The following RASEF variants were observed in gnomAD, a reference collection of about 807,000 sequenced individuals.
RASEF encodes RAS and EF-hand domain containing.
A neutral mutation model predicts 90.1 loss-of-function variants in RASEF; 68 were observed. The ratio of observed to expected loss-of-function variants is 0.75; its 90% CI spans 0.62 to 0.92. The LOEUF is 0.92. RASEF is among the 40% of genes least tolerant of loss of function. RASEF has a pLI of 0.00. For synonymous variants in RASEF, 331 were observed against 345.2 expected (o/e 0.96, Z 0.46); for missense variants, 949 against 937.2 (o/e 1.01, Z -0.16).
At chr9:83,063,826 A>G (rs553878356), upstream of RASEF, among the ~76,000 whole-genome samples, 3 of 152,298 alleles carry the variant, frequency 2.0e-5, no homozygotes, top group African/African-American at 7.2e-5. Flanking sequence ...CGACAATACT[A>G]TTGTTTCTTT....
At chr9:83,190,637 T>C in the RASEF span, among the ~76,000 whole-genome samples, 5 of 152,258 alleles carry the variant, frequency 3.3e-5, no homozygotes, top group Admixed American at 2.0e-4. Flanking sequence ...TTTTAAAGGG[T>C]ATCTAAATAA....
chr9:83,197,845 C>G, the RASEF span, among the ~76,000 whole-genome samples: 3 of 152,220 alleles, frequency 2.0e-5, no homozygotes, highest in Admixed American at 1.3e-4. Flanking sequence ...AGCATAAGCA[C>G]CGGGATAAAT....
At chr9:83,052,330 G>A (rs1393793069) in intron 1 of RASEF, among the ~76,000 whole-genome samples, 18 of 134,290 alleles carry the variant, frequency 1.3e-4, no homozygotes, top group African/African-American at 2.2e-4. Flanking sequence ...GTTTATTTGC[G>A]TAGAGGTGTT....
At chr9:83,124,721 C>G in the RASEF span, among the ~76,000 whole-genome samples, 78,678 of 151,508 alleles carry the variant, frequency 0.52, 20,704 homozygotes, top group East Asian at 0.79. Context: ...GAAACAAACT[C>G]AATGATTATC....
the RASEF span, among the ~76,000 whole-genome samples, chr9:83,205,677 G>T: frequency 6.6e-6 from 1 of 151,840 alleles, no homozygotes; most frequent in African/African-American, 2.4e-5. Flanking sequence ...TCTTCCCTTG[G>T]TACAGTATCT....
intron 3 of RASEF, among the ~76,000 whole-genome samples, chr9:83,019,328 A>AATAT (rs60264496): frequency 1.3e-5 from 2 of 151,726 alleles, no homozygotes; most frequent in African/African-American, 4.8e-5. Context: ...TTCAGCAAAA[A>AATAT]ATATATATAT....
rs770704145 is a variant in RASEF, at chr9:83,000,295, C to T, written c.1597G>A (p.Ala533Thr). The change falls in exon 12 of 17, where the codon GCT becomes ACT. Residue 533 changes from alanine (A) to threonine (T), a missense_variant. By Grantham distance (58) the Ala-to-Thr change is moderately conservative (BLOSUM62 0). Around this residue, in one of 3 missense-constraint regions of RASEF, gnomAD observed 288 missense variants for 328.4 expected, o/e 0.88. Transcript: ENST00000376447. ...GCCTTCTGTGAGCTAAAAGATTTAGCGTTGTCATCTACCAGGTCTGTCTGG... is the reference window on the plus strand; with the variant it reads ...GCCTTCTGTGAGCTAAAAGATTTAGTGTTGTCATCTACCAGGTCTGTCTGG... ...SPQTDLVDDNAKSFSSQKAYK... is the reference protein window; with the variant it reads ...SPQTDLVDDNTKSFSSQKAYK... The T allele has an allele frequency of 3.7e-6, 6 of 1,613,750 alleles. No homozygotes were observed. Among genetic ancestry groups the T allele is most frequent in the South Asian group, 2.2e-5 (2 of 91,038 alleles).
chr9:83,007,310 G>A (rs940141709), intron 7 of RASEF, 127 bp downstream of exon 7: 5 of 734,704 alleles, frequency 6.8e-6, no homozygotes, highest in Non-Finnish European at 1.2e-5. Flanking sequence ...ACCCTGAGAA[G>A]AAACACCCAC....
At chr9:83,145,326 C>T in the RASEF span, among the ~76,000 whole-genome samples, 2 of 152,116 alleles carry the variant, frequency 1.3e-5, no homozygotes, top group Non-Finnish European at 2.9e-5. Flanking sequence ...ATCCCCCATC[C>T]AGGGTTACTA....
At chr9:83,044,885 A>G (rs770214700) in intron 1 of RASEF, among the ~76,000 whole-genome samples, 1 of 152,160 alleles carries the variant, frequency 6.6e-6, no homozygotes, top group African/African-American at 2.4e-5. Flanking sequence ...TGGGTAGGTG[A>G]GTCTCATCCA....
chr9:83,019,702 A>T (rs961443195), intron 3 of RASEF, among the ~76,000 whole-genome samples: 1 of 152,242 alleles, frequency 6.6e-6, no homozygotes, highest in African/African-American at 2.4e-5. Flanking sequence ...ATGAATGGCT[A>T]AACACTGTGG....
chr9:82,994,272 G>A (rs1421455807), intron 14 of RASEF, among the ~76,000 whole-genome samples: 3 of 152,166 alleles, frequency 2.0e-5, no homozygotes, highest in Non-Finnish European at 2.9e-5. Context: ...ACCTCAGGAT[G>A]CAAGGGGCAT....
At chr9:83,096,022 T>C in the RASEF span, among the ~76,000 whole-genome samples, 7 of 152,006 alleles carry the variant, frequency 4.6e-5, no homozygotes, top group Non-Finnish European at 8.8e-5. Context: ...ATACCTAGAG[T>C]GTAAGTAAAA....
the RASEF span, among the ~76,000 whole-genome samples, chr9:83,140,914 C>T: frequency 7.9e-5 from 12 of 151,896 alleles, no homozygotes; most frequent in East Asian, 1.9e-4. Flanking sequence ...AGACCAAGGC[C>T]GACAGATAAC....
the RASEF span, among the ~76,000 whole-genome samples, chr9:83,181,576 A>C: frequency 6.6e-6 from 1 of 152,188 alleles, no homozygotes; most frequent in Non-Finnish European, 1.5e-5. Flanking sequence ...TTAAAAGAAG[A>C]TTCATCATTC....
the RASEF span, among the ~76,000 whole-genome samples, chr9:83,176,189 G>A: frequency 2.6e-5 from 4 of 152,124 alleles, no homozygotes; most frequent in Non-Finnish European, 5.9e-5. Context: ...GCTCTGCTGT[G>A]CATATATGTT....
At chr9:83,113,283 A>G in the RASEF span, among the ~76,000 whole-genome samples, 2 of 152,212 alleles carry the variant, frequency 1.3e-5, no homozygotes, top group African/African-American at 4.8e-5. Flanking sequence ...TAATACTCTT[A>G]TAATTTCTTA....
chr9:83,060,456 C>T (rs950914574), intron 1 of RASEF, among the ~76,000 whole-genome samples: 1 of 152,190 alleles, frequency 6.6e-6, no homozygotes, highest in Non-Finnish European at 1.5e-5. Context: ...CCATGAGCAT[C>T]TTGAGGGCAT....
the RASEF span, among the ~76,000 whole-genome samples, chr9:83,158,124 A>G: frequency 6.6e-6 from 1 of 152,210 alleles, no homozygotes; most frequent in Non-Finnish European, 1.5e-5. Context: ...ACATGATAAT[A>G]GTTAAATGAT....
Sources: allele counts gnomAD v4.1 joint callset (sites outside exome capture counted in the v4.1 genomes callset), GRCh38; gene constraint gnomAD v4.1.1; regional missense constraint gnomAD v4.1.1; transcripts MANE v1.5; gene names NCBI Gene and HGNC (gene_info 2026-07-23, HGNC 2026-07-21).